Variants in PLCE1 observed in about 807,000 individuals in gnomAD.
PLCE1 encodes the protein phospholipase C epsilon 1.
Under a neutral mutation model 242.8 loss-of-function variants are expected in PLCE1, and 119 were observed. The ratio of observed to expected loss-of-function variants is 0.49; its 90% CI spans 0.42 to 0.57. The LOEUF (loss-of-function observed/expected upper bound fraction) is 0.57, where lower values mean the gene tolerates loss of function less well. PLCE1 is among the 20% of genes least tolerant of loss of function. The pLI is 0.00. For missense variants in PLCE1, 2,441 were observed against 2,788.8 expected (o/e 0.88, Z 2.81); for synonymous variants, 945 against 1,017.4 (o/e 0.93, Z 1.35).
chr10:94,105,167 T>A (rs1255472958), intron 2 of PLCE1: 1 of 152,186 alleles, frequency 6.6e-6, no homozygotes, highest in Non-Finnish European at 1.5e-5. Flanking sequence ...ATAGAAGGAT[T>A]CTGAGGCCCA....
intron 19 of PLCE1, chr10:94,279,436 G>C: frequency 3.0e-6 from 1 of 330,806 alleles, no homozygotes; most frequent in Non-Finnish European, 5.6e-6. Flanking sequence ...AAAAATTGAT[G>C]GGTGATTCAC....
chr10:94,145,683 G>A (rs1374996798), intron 3 of PLCE1, among the ~76,000 whole-genome samples: 1 of 152,140 alleles, frequency 6.6e-6, no homozygotes, highest in East Asian at 1.9e-4. Flanking sequence ...CCCACCTCCA[G>A]GTGGTGTCCT....
intron 2 of PLCE1, among the ~76,000 whole-genome samples, chr10:94,056,265 G>C (rs1161115839): frequency 6.6e-6 from 1 of 152,012 alleles, no homozygotes; most frequent in Non-Finnish European, 1.5e-5. Flanking sequence ...GCAGAGAGAG[G>C]GTTGGATTAG....
intron 2 of PLCE1, among the ~76,000 whole-genome samples, chr10:94,097,563 G>A (rs2045359333): frequency 6.6e-6 from 1 of 152,176 alleles, no homozygotes; most frequent in African/African-American, 2.4e-5. Context: ...AAATGATTAA[G>A]GAAGGTATCC....
At chr10:94,164,782 C>A (rs917081573) in intron 3 of PLCE1, among the ~76,000 whole-genome samples, 1 of 152,138 alleles carries the variant, frequency 6.6e-6, no homozygotes, top group Non-Finnish European at 1.5e-5. Flanking sequence ...TACCTTTGGT[C>A]TTTGATGATG....
Position 94,022,985 on chromosome 10 carries a change from A to G in PLCE1, c.-364-7698A>G, listed in dbSNP as rs74148499. Among the ~76,000 whole-genome samples, 454 of 152,286 alleles carry G rather than the reference A, an allele frequency of 3.0e-3. 3 individuals are homozygous for G. The highest frequency in any genetic ancestry group is 0.011 in the African/African-American group (437 of 41,570). On this transcript the variant is annotated intron_variant, in intron 1 of 32. Coordinates refer to ENST00000371380, the MANE Select transcript of PLCE1 (RefSeq NM_016341.4). ...TAAAACCCTTTCAGTTTAAAGATGC[A>G]TGTTCTTCAGGGGCTCTCAATCTGT...
intron 2 of PLCE1, among the ~76,000 whole-genome samples, chr10:94,080,781 G>C (rs1308279422): frequency 6.6e-6 from 1 of 152,190 alleles, no homozygotes; most frequent in African/African-American, 2.4e-5. Context: ...TAGTTTGTTT[G>C]CTTGTGTTTA....
At chr10:94,271,963 A>C (rs1292182703) in intron 18 of PLCE1, among the ~76,000 whole-genome samples, 1 of 152,198 alleles carries the variant, frequency 6.6e-6, no homozygotes, top group African/African-American at 2.4e-5. Context: ...ACATGCTTCA[A>C]GGGACAAAAG....
chr10:94,168,089 A>C (rs757033757), intron 3 of PLCE1, among the ~76,000 whole-genome samples: 1 of 152,174 alleles, frequency 6.6e-6, no homozygotes, highest in Non-Finnish European at 1.5e-5. Context: ...CACAGTGTCC[A>C]GTGGGTTTTA....
chr10:94,153,180 G>A (rs922886487), intron 3 of PLCE1, among the ~76,000 whole-genome samples: 1 of 152,088 alleles, frequency 6.6e-6, no homozygotes, highest in African/African-American at 2.4e-5. Context: ...GACAGTAAAT[G>A]TCTGTTGGTC....
rs549599206 is a variant in PLCE1, at chr10:94,262,862, T to A, written c.4053+130T>A. The A allele has an allele frequency of 1.5e-5, 4 of 273,426 alleles. No homozygotes were observed. In the East Asian group the frequency reaches 2.0e-4, roughly 14 times the overall value. The allele number at this position is 273,426 out of a possible 1,614,324, so 16.9% of individuals were successfully genotyped here. A position where few individuals can be genotyped will look rare whatever the true frequency, so the allele number is the denominator to read the frequency against. On this transcript the variant is annotated intron_variant, in intron 14 of 32. Coordinates refer to ENST00000371380, the MANE Select transcript of PLCE1 (RefSeq NM_016341.4). The stretch of plus-strand genomic sequence containing the variant: ...AATCTGGGACAGATATACAGTTTTG[T>A]TTTTTTTTTTGTTTTTTTGGGTGTT...
At chr10:94,259,986 G>A (rs1373466570) in intron 13 of PLCE1, among the ~76,000 whole-genome samples, 1 of 152,084 alleles carries the variant, frequency 6.6e-6, no homozygotes, top group Non-Finnish European at 1.5e-5. Context: ...TTTCACATGG[G>A]AAAGACCTGC....
chr10:94,200,912 T>A (rs185329940), intron 4 of PLCE1, among the ~76,000 whole-genome samples: 92 of 152,202 alleles, frequency 6.0e-4, no homozygotes, highest in African/African-American at 2.1e-3. Context: ...GCAAAATACA[T>A]GACCAGTAAT....
In PLCE1 at chr10:94,279,109, A is replaced by G. The variant is rs373087986; in HGVS notation, c.4666-673A>G. On this transcript the variant is annotated intron_variant, in intron 19 of 32. Coordinates refer to ENST00000371380, the MANE Select transcript of PLCE1 (RefSeq NM_016341.4). ...TTAGTTCATGCAAGTAACGTTTCCT[A>G]TATTTCAGATGATTTTCTTAAGCTA... Among the ~76,000 whole-genome samples the G allele has an allele frequency of 1.2e-4, 19 of 152,148 alleles. No homozygotes were observed. The East Asian group carries it at 3.5e-3, about 28-fold the overall frequency.
At chr10:94,181,507 C>T (rs1323584900) in intron 4 of PLCE1, among the ~76,000 whole-genome samples, 3 of 150,188 alleles carry the variant, frequency 2.0e-5, no homozygotes, top group South Asian at 2.1e-4. Flanking sequence ...ACCCAGGAGG[C>T]GGAGCTTGCA....
At chr10:94,028,794 C>T (rs1009445241) in intron 1 of PLCE1, among the ~76,000 whole-genome samples, 2 of 151,988 alleles carry the variant, frequency 1.3e-5, no homozygotes, top group African/African-American at 2.4e-5. Context: ...ACAAAAAATA[C>T]AAAAATTAGC....
chr10:94,148,302 T>C (rs2047176958), intron 3 of PLCE1, among the ~76,000 whole-genome samples: 1 of 151,102 alleles, frequency 6.6e-6, no homozygotes, highest in African/African-American at 2.4e-5. Context: ...GGAGGGTTCA[T>C]GTTTGGCAGG....
intron 4 of PLCE1, among the ~76,000 whole-genome samples, chr10:94,190,919 C>T (rs2048642720): frequency 6.6e-6 from 1 of 152,122 alleles, no homozygotes; most frequent in African/African-American, 2.4e-5. Flanking sequence ...AATCTGTCTT[C>T]TAAGACATAA....
chr10:94,252,384 T>A lies in PLCE1; in HGVS notation c.3165T>A (p.Ser1055Arg). The A allele has an allele frequency of 6.2e-7, 1 of 1,613,888 alleles. No homozygotes were observed. The highest frequency in any genetic ancestry group is 1.3e-5 in the African/African-American group (1 of 74,934). ...AVELFGGRRWSARNPSPGTSA... is the reference protein window; with the variant it reads ...AVELFGGRRWRARNPSPGTSA... ...AGTTGTTTGGTGGCAGACGGTGGAG[T>A]GCTCGAAACCCCAGCCCCGGAACAT... is the stretch of plus-strand genomic sequence containing the variant. Residue 1055 changes from serine to arginine, a missense_variant, in exon 9 of 33, where the codon AGT (serine) becomes AGA (arginine). Ser to Arg is a moderately radical substitution (Grantham distance 110). Coordinates refer to ENST00000371380, the MANE Select transcript of PLCE1 (RefSeq NM_016341.4).
Sources: allele counts gnomAD v4.1 joint callset (sites outside exome capture counted in the v4.1 genomes callset), GRCh38; gene constraint gnomAD v4.1.1; transcripts MANE v1.5; gene names NCBI Gene and HGNC (gene_info 2026-07-23, HGNC 2026-07-21).